The following ADCK5 variants were observed in gnomAD, a reference collection of about 807,000 sequenced individuals.
The protein encoded by ADCK5 is uncharacterized aarF domain-containing protein kinase 5.
A neutral mutation model predicts 64.9 loss-of-function variants in ADCK5; 43 were observed. The observed-to-expected ratio is 0.66, with a 90% CI of 0.52 to 0.85. The LOEUF is 0.85. ADCK5 is among the 40% of genes least tolerant of loss of function. The pLI is 0.00. For missense variants in ADCK5, 760 were observed against 810.5 expected, an observed-to-expected ratio of 0.94 and a Z score of 0.76; for synonymous variants, 434 against 342.8, an observed-to-expected ratio of 1.27 and a Z score of -2.94.
rs1315518293 is a variant in ADCK5, at chr8:144,376,510, C to T, written c.12+2403C>T. On this transcript the variant is annotated intron_variant, in intron 1 of 14. Transcript: ENST00000308860. The surrounding 1 kb of genome is among the most constrained non-coding windows in gnomAD (Gnocchi z 5.1). Reference sequence around the variant, plus strand: ...ATAAGAATGGGAGTGAGAGACGCAGCTGGAGCCCCTTCTGCAATGCTGGTT... The same window carrying T: ...ATAAGAATGGGAGTGAGAGACGCAGTTGGAGCCCCTTCTGCAATGCTGGTT... 6.6e-6 allele frequency among the ~76,000 whole-genome samples: 1 copy of T among 152,196 alleles called. No homozygotes were observed. Among genetic ancestry groups the T allele is most frequent in the Non-Finnish European group, 1.5e-5 (1 of 68,040 alleles).
chr8:144,391,530 A>G (rs782407702), intron 7 of ADCK5, 50 bp from the exon 8 acceptor site: 1 of 1,586,406 alleles, frequency 6.3e-7, no homozygotes, highest in Non-Finnish European at 8.5e-7. Flanking sequence ...CAGAGCTGGT[A>G]GGAGCAGCTG....
chr8:144,390,558 G>T, intron 3 of ADCK5, 113 bp from the exon 4 acceptor site: 1 of 1,158,984 alleles, frequency 8.6e-7, no homozygotes. Context: ...CTCACCCTTG[G>T]GACATGAAGG....
chr8:144,390,958 G>A lies in ADCK5; in HGVS notation c.445G>A (p.Gly149Ser). 6.2e-7 allele frequency: 1 copy of A among 1,613,018 alleles called. No homozygotes were observed. The highest frequency in any genetic ancestry group is 2.2e-5 in the East Asian group (1 of 44,884). ...CAACGGGGGCCTCTACGTGAAGCTG[G>A]GCCAGGGGCTGTGCTCCTTCAACCA... ...ISNGGLYVKLGQGLCSFNHLL... is the reference protein window; with the variant it reads ...ISNGGLYVKLSQGLCSFNHLL... The change falls in exon 5 of 15, where the codon GGC becomes AGC. Residue 149 changes from glycine (G) to serine (S), a missense_variant. This residue lies in a region of ADCK5 where 427 missense variants were observed against 518.4 expected (regional missense o/e 0.82). Transcript: ENST00000308860.
At chr8:144,382,871 T>C (rs535684556) in intron 2 of ADCK5, among the ~76,000 whole-genome samples, 1 of 152,366 alleles carries the variant, frequency 6.6e-6, no homozygotes, top group Non-Finnish European at 1.5e-5. Context: ...CTGCCCCTTA[T>C]GGCCATCTGG....
rs1447000278 is a variant in ADCK5, at chr8:144,376,849, G to A, written c.13-2538G>A. Among the ~76,000 whole-genome samples the A allele has an allele frequency of 7.2e-5, 11 of 152,378 alleles. No individual in the cohort carries two copies. In the East Asian group the frequency reaches 1.9e-3, roughly 27 times the overall value. Reference sequence around the variant, plus strand: ...GGCAGCAGGTGGATGGCCCGCCTACGAGTCGCTGCCCGGCTGCCTTGGGTT... The same window carrying A: ...GGCAGCAGGTGGATGGCCCGCCTACAAGTCGCTGCCCGGCTGCCTTGGGTT... On this transcript the variant is annotated intron_variant, in intron 1 of 14. Coordinates refer to ENST00000308860, the MANE Select transcript of ADCK5 (RefSeq NM_174922.5). This position sits in a 1 kb window ranked among gnomAD's most constrained non-coding sequence, Gnocchi z 5.1.
chr8:144,390,611 G>A, intron 3 of ADCK5, 60 bp from the exon 4 acceptor site: 5 of 1,533,848 alleles, frequency 3.3e-6, no homozygotes, highest in Non-Finnish European at 4.5e-6. Context: ...CTGACAAGAG[G>A]ACCAAGCACC....
At chr8:144,378,257 G>A (rs1219252885) in intron 1 of ADCK5, among the ~76,000 whole-genome samples, 1 of 152,144 alleles carries the variant, frequency 6.6e-6, no homozygotes, top group African/African-American at 2.4e-5. Flanking sequence ...TGACTGACTT[G>A]GTGATGTGGT....
rs145783849 is a variant in ADCK5 at position 144,376,962 on chromosome 8, TTTTCCCTTTGGC to T, written c.13-2420_13-2409del. Among the ~76,000 whole-genome samples, 394 of 152,358 alleles carry T rather than the reference TTTTCCCTTTGGC, an allele frequency of 2.6e-3. 2 individuals are homozygous for T. The highest frequency in any genetic ancestry group is 9.1e-3 in the African/African-American group (379 of 41,582). ...CCTCTAGGGATAAGAGGTCATGGAC[TTTTCCCTTTGGC>T]TTTCATGTTGTTTGGAGTCCTCAAA... On this transcript the variant is annotated intron_variant, in intron 1 of 14. Transcript: ENST00000308860. This position sits in a 1 kb window ranked among gnomAD's most constrained non-coding sequence, Gnocchi z 5.1.
chr8:144,380,319 C>G (rs550126937), intron 2 of ADCK5, among the ~76,000 whole-genome samples: 1 of 150,422 alleles, frequency 6.6e-6, no homozygotes, highest in African/African-American at 2.5e-5. Flanking sequence ...TGCTCAGGCA[C>G]CTCCCGCAGT....
rs556207961 is a variant in ADCK5 at position 144,383,733 on chromosome 8, C to G, written c.266+503C>G. Among the ~76,000 whole-genome samples, 241 of 152,278 alleles carry G rather than the reference C, an allele frequency of 1.6e-3. 4 individuals are homozygous for G. The Middle Eastern group carries it at 0.017, about 11-fold the overall frequency. On this transcript the variant is annotated intron_variant, in intron 3 of 14. Transcript: ENST00000308860. ...CTCCATTACCTTACAGTGAAGAACT[C>G]AGGGGGAGGGTGAGGACACCTTCTG...
Position 144,383,077 on chromosome 8 carries a change from T to G in ADCK5, c.117-4T>G. ...CGCCTCCAGGCTGCATTGTCTCTCC[T>G]CAGGTTCTCCAGCCCCACACCCCTG... On this transcript the variant is annotated splice_polypyrimidine_tract_variant and splice_region_variant and intron_variant, in intron 2 of 14. Transcript: ENST00000308860. 6.3e-7 allele frequency: 1 copy of G among 1,586,746 alleles called. No homozygotes were observed. The highest frequency in any genetic ancestry group is 8.6e-7 in the Non-Finnish European group (1 of 1,166,652).
In ADCK5 at chr8:144,392,318, G is replaced by A; in HGVS notation, c.1240G>A (p.Ala414Thr). Residue 414 changes from alanine (A) to threonine (T), a missense_variant, in exon 12 of 15, where the codon GCG (alanine) becomes ACG (threonine). By Grantham distance (58) the Ala-to-Thr change is moderately conservative. Around this residue, in one of 2 missense-constraint regions of ADCK5, gnomAD observed 333 missense variants for 292.0 expected, o/e 1.14. Coordinates refer to ENST00000308860, the MANE Select transcript of ADCK5 (RefSeq NM_174922.5). ...IILRDDAAMRAHAAALGVQDY... is the reference protein window; with the variant it reads ...IILRDDAAMRTHAAALGVQDY... ...CCTGCGGGACGACGCCGCCATGAGG[G>A]CGCACGCAGCCGCACTGGGGGTGCA... The A allele has an allele frequency of 8.3e-7, 1 of 1,206,200 alleles. No homozygotes were observed. Among genetic ancestry groups the A allele is most frequent in the Non-Finnish European group, 1.1e-6 (1 of 889,814 alleles). The allele number at this position is 1,206,200 out of a possible 1,614,324, so 74.7% of individuals were successfully genotyped here. A position where few individuals can be genotyped will look rare whatever the true frequency, so the allele number is the denominator to read the frequency against.
At position 144,379,414 on chromosome 8, in the gene ADCK5, C is replaced by G; in HGVS notation, c.40C>G (p.Leu14Val). The G allele has an allele frequency of 6.2e-7, 1 of 1,610,578 alleles. No homozygotes were observed. The highest frequency in any genetic ancestry group is 1.7e-5 in the Admixed American group (1 of 59,742). ...GCAGCTCTGTCATTTCCACTCTGCT[C>G]TGCTGCACAGCAGGCAGAAGCCCTG... ...PVQLCHFHSA[L>V]LHSRQKPWPS... Residue 14 changes from leucine (L) to valine (V), a missense_variant, in exon 2 of 15, where the codon CTG becomes GTG. Transcript: ENST00000308860.
At position 144,383,100 on chromosome 8, in the gene ADCK5, C is replaced by A; in HGVS notation, c.136C>A (p.Leu46Met). 6.3e-7 allele frequency: 1 copy of A among 1,588,432 alleles called. No individual in the cohort carries two copies. The highest frequency in any genetic ancestry group is 1.1e-5 in the South Asian group (1 of 87,124). Residue 46 changes from leucine to methionine, a missense_variant, in exon 3 of 15, where the codon CTG becomes ATG. Physicochemically the swap from Leu to Met is conservative, Grantham distance 15. This residue lies in a region of ADCK5 where 427 missense variants were observed against 518.4 expected (regional missense o/e 0.82). Transcript: ENST00000308860. ...LPPRFSSPTP[L>M]WRKVLSTAVV... Reference sequence around the variant, plus strand: ...CCTCAGGTTCTCCAGCCCCACACCCCTGTGGAGGAAGGTGCTCTCCACCGC... The same window carrying A: ...CCTCAGGTTCTCCAGCCCCACACCCATGTGGAGGAAGGTGCTCTCCACCGC...
At chr8:144,382,964 C>T (rs903156679) in intron 2 of ADCK5, 117 bp from the exon 3 acceptor site, 142 of 1,399,506 alleles carry the variant, frequency 1.0e-4, no homozygotes, top group Non-Finnish European at 1.2e-4. Context: ...GCTGACCACA[C>T]GTCAGAATGG....
intron 1 of ADCK5, 79 bp downstream of exon 1, chr8:144,374,186 C>T (rs1473069134): frequency 4.9e-6 from 6 of 1,216,302 alleles, no homozygotes; most frequent in Non-Finnish European, 6.2e-6. Context: ...GTCCCCAGAC[C>T]CCGCCCTAGA....
chr8:144,380,648 T>C (rs71515611), intron 2 of ADCK5, among the ~76,000 whole-genome samples: 1 of 5,010 alleles, frequency 2.0e-4, no homozygotes, highest in African/African-American at 5.9e-4. Flanking sequence ...AGGCGCCTGC[T>C]GCACTCAGGA....
chr8:144,391,961 G>A lies in ADCK5; in HGVS notation c.1035G>A (p.Lys345=), dbSNP rs782504254. The change falls in exon 10 of 15, where the codon AAG becomes AAA. Residue 345 remains lysine, a synonymous_variant. Transcript: ENST00000308860. ...AVHDIAEKLI[K]AFAEQIFYTG... ...CCCAGATAGCAGAAAAGCTCATCAAGGCCTTTGCTGAGCAGATATTTTACA... is the reference window on the plus strand; with the variant it reads ...CCCAGATAGCAGAAAAGCTCATCAAAGCCTTTGCTGAGCAGATATTTTACA... 1.9e-6 allele frequency: 3 copies of A among 1,612,728 alleles called. No individual in the cohort carries two copies. The highest frequency in any genetic ancestry group is 1.7e-6 in the Non-Finnish European group (2 of 1,179,994).
At chr8:144,373,917 G>A (rs1040506357), upstream of ADCK5, 4 of 677,606 alleles carry the variant, frequency 5.9e-6, no homozygotes, top group East Asian at 3.6e-5. Flanking sequence ...GCCGCCAGGG[G>A]ACGCTGCCCC....
Sources: allele counts gnomAD v4.1 joint callset (sites outside exome capture counted in the v4.1 genomes callset), GRCh38; gene constraint gnomAD v4.1.1; regional missense constraint gnomAD v4.1.1; non-coding constraint Gnocchi (gnomAD v3.1); transcripts MANE v1.5; gene names NCBI Gene and HGNC (gene_info 2026-07-23, HGNC 2026-07-21).